The following CASZ1 variants were observed in gnomAD, a reference collection of about 807,000 sequenced individuals.
CASZ1 encodes the protein castor zinc finger 1.
In CASZ1, 28 loss-of-function variants were observed where a neutral mutation model predicts 135.2. The ratio of observed to expected loss-of-function variants is 0.21; its 90% CI spans 0.15 to 0.28. The LOEUF (loss-of-function observed/expected upper bound fraction) is 0.28, where lower values mean the gene tolerates loss of function less well. CASZ1 is among the 10% of genes least tolerant of loss of function. The probability of loss-of-function intolerance (pLI) is 1.00; values close to 1 mark genes in which losing one functional copy is unlikely to be tolerated. For synonymous variants in CASZ1, 1,068 were observed against 1,073.4 expected, an observed-to-expected ratio of 0.99 and a Z score of 0.10; for missense variants, 2,161 against 2,453.3, an observed-to-expected ratio of 0.88 and a Z score of 2.52.
At chr1:10,748,074 T>C (rs912844664) in intron 2 of CASZ1, among the ~76,000 whole-genome samples, 30 of 152,306 alleles carry the variant, frequency 2.0e-4, no homozygotes, top group African/African-American at 6.5e-4. Flanking sequence ...CGCCTCGGCC[T>C]CCCAAAGTGC....
intron 4 of CASZ1, among the ~76,000 whole-genome samples, chr1:10,689,543 G>A (rs886888267): frequency 2.6e-5 from 4 of 152,176 alleles, no homozygotes; most frequent in African/African-American, 4.8e-5. Flanking sequence ...AAAGGGCCAG[G>A]GGTGGGGTCT....
Position 10,647,565 on chromosome 1 carries a change from C to T in CASZ1, c.3497+236G>A, listed in dbSNP as rs1053428772. The stretch of plus-strand genomic sequence containing the variant: ...AGGATCACCACATGCCCTGCAGGAG[C>T]AGTAGCCACTGCCGCCACCATCGGC... On this transcript the variant is annotated intron_variant, in intron 16 of 20. Transcript: ENST00000377022. This position sits in a 1 kb window ranked among gnomAD's most constrained non-coding sequence, Gnocchi z 4.9. 3.1e-5 allele frequency: 44 copies of T among 1,406,372 alleles called. 1 individual carries two copies. The African/African-American group carries it at 6.4e-4, about 20-fold the overall frequency. The allele number at this position is 1,406,372 out of a possible 1,614,324, so 87.1% of individuals were successfully genotyped here.
At position 10,646,190 on chromosome 1, in the gene CASZ1, T is replaced by G. The variant is rs1428806536; in HGVS notation, c.3634A>C (p.Asn1212His). 9.3e-6 allele frequency: 15 copies of G among 1,613,938 alleles called. No individual in the cohort carries two copies. The highest frequency in any genetic ancestry group is 1.3e-5 in the Non-Finnish European group (15 of 1,180,016). ...AACTGGTCTCGCACGTTCACCAGGT[T>G]GTTGTTGGGGTTGATGTGGTCCAGG... ...HCLDHINPNN[N>H]LVNVRDQFAY... is the part of the protein sequence containing the mutation. The change falls in exon 17 of 21, where the codon AAC becomes CAC. Residue 1212 changes from asparagine to histidine, a missense_variant. This residue lies in a region of CASZ1 where 349 missense variants were observed against 460.8 expected (regional missense o/e 0.76). Coordinates refer to ENST00000377022, the MANE Select transcript of CASZ1 (RefSeq NM_001079843.3). The surrounding 1 kb of genome is among the most constrained non-coding windows in gnomAD (Gnocchi z 6.4).
In CASZ1 at chr1:10,643,329, C is replaced by G; in HGVS notation, c.3869-18G>C. The G allele has an allele frequency of 6.2e-7, 1 of 1,611,638 alleles. No homozygotes were observed. Among genetic ancestry groups the G allele is most frequent in the Non-Finnish European group, 8.5e-7 (1 of 1,179,464 alleles). On this transcript the variant is annotated intron_variant, in intron 18 of 20. Transcript: ENST00000377022. ...CTTGCAACCTGTGGACACAGCCCCA[C>G]CTGGCATGAGCCCCCAGCTGGCCAG...
At chr1:10,751,845 G>A (rs1235302811) in intron 2 of CASZ1, among the ~76,000 whole-genome samples, 2 of 152,240 alleles carry the variant, frequency 1.3e-5, no homozygotes, top group African/African-American at 4.8e-5. Context: ...AACAGAGCCA[G>A]AGCAAAGAGC....
chr1:10,674,429 C>T (rs988239021), intron 4 of CASZ1, among the ~76,000 whole-genome samples: 5 of 152,142 alleles, frequency 3.3e-5, no homozygotes, highest in South Asian at 2.1e-4. Context: ...ACCGCTGCTG[C>T]GGGAGGGCGT....
intron 11 of CASZ1, chr1:10,651,858 T>C (rs901416030): frequency 3.3e-5 from 5 of 152,252 alleles, no homozygotes; most frequent in African/African-American, 1.2e-4. Context: ...TCCCCTGTGC[T>C]TGATCTTTCT....
intron 2 of CASZ1, among the ~76,000 whole-genome samples, chr1:10,751,723 A>G (rs1484693124): frequency 6.6e-6 from 1 of 152,134 alleles, no homozygotes. Flanking sequence ...CCTTCTGCTC[A>G]CACCACAAGA....
In CASZ1 at chr1:10,720,437, T is replaced by TG. The variant is rs1427278433; in HGVS notation, c.-76-14894dup. 5.3e-5 allele frequency among the ~76,000 whole-genome samples: 8 copies of TG among 152,118 alleles called. No individual in the cohort carries two copies. On this transcript the variant is annotated intron_variant, in intron 2 of 20. Transcript: ENST00000377022. The surrounding 1 kb of genome is among the most constrained non-coding windows in gnomAD (Gnocchi z 5.7). ...CTCCCACTGTGCTCCCCAAAGAGCCTGGGGAAGCTCAGAAATGTCTAGAGG... is the reference window on the plus strand; with the variant it reads ...CTCCCACTGTGCTCCCCAAAGAGCCTGGGGGAAGCTCAGAAATGTCTAGAGG...
At chr1:10,723,525 G>A (rs565466288) in intron 2 of CASZ1, among the ~76,000 whole-genome samples, 45 of 152,246 alleles carry the variant, frequency 3.0e-4, no homozygotes, top group South Asian at 1.5e-3. Context: ...CCCCTGCCCC[G>A]GTGCCCAGCC....
At chr1:10,650,886 T>C in intron 12 of CASZ1, 55 bp downstream of exon 12, 1 of 1,605,396 alleles carries the variant, frequency 6.2e-7, no homozygotes, top group South Asian at 1.1e-5. Context: ...ACCCCGGGGC[T>C]CCAGCTCGAA....
intron 4 of CASZ1, among the ~76,000 whole-genome samples, chr1:10,690,839 G>A (rs1231183531): frequency 2.0e-5 from 3 of 152,210 alleles, no homozygotes; most frequent in Non-Finnish European, 4.4e-5. Context: ...AGTCAAGGGC[G>A]AACGCCTGCT....
At chr1:10,683,675 G>C (rs1020231213) in intron 4 of CASZ1, among the ~76,000 whole-genome samples, 3 of 152,146 alleles carry the variant, frequency 2.0e-5, no homozygotes, top group African/African-American at 7.2e-5. Context: ...TTTCACCACA[G>C]AGACAAGTCG....
At position 10,729,127 on chromosome 1, in the gene CASZ1, G is replaced by A. The variant is rs1639651212; in HGVS notation, c.-76-23583C>T. ...GAGGAGAGGGAAGGGGTGGGGAGGA[G>A]GGGGCGGCCGGCCTGCGGCTCCTGC... On this transcript the variant is annotated intron_variant, in intron 2 of 20. Transcript: ENST00000377022. 2.0e-5 allele frequency among the ~76,000 whole-genome samples: 3 copies of A among 152,244 alleles called. No homozygotes were observed. In the South Asian group the frequency reaches 6.2e-4, roughly 32 times the overall value.
chr1:10,641,026 C>T (rs1033529280), intron 20 of CASZ1, among the ~76,000 whole-genome samples: 25 of 152,236 alleles, frequency 1.6e-4, no homozygotes, highest in African/African-American at 5.5e-4. Context: ...CGTGGGTAGC[C>T]TCTGGGCTCC....
rs943826704 is a variant in CASZ1 at position 10,697,887 on chromosome 1, C to A, written c.-23-3975G>T. On this transcript the variant is annotated intron_variant, in intron 3 of 20. Transcript: ENST00000377022. This position sits in a 1 kb window ranked among gnomAD's most constrained non-coding sequence, Gnocchi z 4.7. ...ACCTGCGAGGGAGTCCGTGTGTTTG[C>A]GTGTGAGCCCGCTCCGGGGCCGATG... Among the ~76,000 whole-genome samples, 2 of 152,228 alleles carry A rather than the reference C, an allele frequency of 1.3e-5. No individual in the cohort carries two copies. Among genetic ancestry groups the A allele is most frequent in the Non-Finnish European group, 2.9e-5 (2 of 68,050 alleles).
chr1:10,698,686 G>A (rs1403783498), intron 3 of CASZ1, among the ~76,000 whole-genome samples: 1 of 152,164 alleles, frequency 6.6e-6, no homozygotes, highest in Non-Finnish European at 1.5e-5. Flanking sequence ...GGGCCAAGGA[G>A]GGTCCCTGGC....
rs1170848679 is a variant in CASZ1, at chr1:10,732,159, T to C, written c.-76-26615A>G. Among the ~76,000 whole-genome samples the C allele has an allele frequency of 9.2e-5, 14 of 151,776 alleles. 1 individual carries two copies. In the South Asian group the frequency reaches 2.7e-3, roughly 29 times the overall value. ...GGCCAACGTAGTGAAACTCAGTCTC[T>C]ACTAAAAATATAAAAATTAGCCAGG... On this transcript the variant is annotated intron_variant, in intron 2 of 20. Coordinates refer to ENST00000377022, the MANE Select transcript of CASZ1 (RefSeq NM_001079843.3).
chr1:10,671,783 T>A (rs1643408405), intron 4 of CASZ1, among the ~76,000 whole-genome samples: 1 of 152,230 alleles, frequency 6.6e-6, no homozygotes, highest in Non-Finnish European at 1.5e-5. Context: ...ACACCCCAGA[T>A]GCGGCACTGG....
Sources: gnomAD v4.1 joint callset for allele counts (sites outside exome capture counted in the v4.1 genomes callset) on GRCh38, gnomAD v4.1.1 for gene constraint, gnomAD v4.1.1 regional missense constraint, Gnocchi (gnomAD v3.1) non-coding constraint, MANE v1.5 for transcripts, NCBI Gene and HGNC (gene_info 2026-07-23, HGNC 2026-07-21) for gene names.